TBATA: variants seen among roughly 807,000 people sequenced by gnomAD.
TBATA encodes protein TBATA.
In TBATA, 47 loss-of-function variants were observed where a neutral mutation model predicts 38.7. The observed-to-expected ratio is 1.21, with a 90% CI of 0.96 to 1.55. The LOEUF (loss-of-function observed/expected upper bound fraction) is 1.55. TBATA is among the 40% of genes most tolerant of loss of function. TBATA has a pLI of 0.00. For missense variants in TBATA, 436 were observed against 435.6 expected, an observed-to-expected ratio of 1.00 and a Z score of -0.01; for synonymous variants, 183 against 170.5, an observed-to-expected ratio of 1.07 and a Z score of -0.57.
At chr10:70,775,334 G>T in intron 7 of TBATA, 64 bp from the exon 8 acceptor site, 2 of 1,441,362 alleles carry the variant, frequency 1.4e-6, no homozygotes, top group Non-Finnish European at 2.0e-6. Context: ...GCAAATGTAG[G>T]TTTGGAGGGC....
In TBATA at chr10:70,775,711, T is replaced by C. The variant is rs531017607; in HGVS notation, c.694-441A>G. Among the ~76,000 whole-genome samples the C allele has an allele frequency of 1.4e-4, 21 of 152,176 alleles. No individual in the cohort carries two copies. In the South Asian group the frequency reaches 2.1e-3, roughly 15 times the overall value. The stretch of plus-strand genomic sequence containing the variant: ...CACCAAATCCCACATGCCCAGGGCC[T>C]TGGTGTGGGGATTTCAGGAACCCCA... On this transcript the variant is annotated intron_variant, in intron 7 of 10. Transcript: ENST00000456372.
chr10:70,778,853 G>A, intron 5 of TBATA: 1 of 640,668 alleles, frequency 1.6e-6, no homozygotes. Context: ...GTGGGGCATT[G>A]CTTTCCTTCT....
intron 6 of TBATA, among the ~76,000 whole-genome samples, 190 bp from the exon 7 acceptor site, chr10:70,777,528 G>C (rs1328749487): frequency 2.0e-5 from 3 of 152,002 alleles, no homozygotes; most frequent in African/African-American, 7.3e-5. Flanking sequence ...ACCTGCCCTA[G>C]ACCCCTCCTT....
intron 9 of TBATA, among the ~76,000 whole-genome samples, chr10:70,774,010 T>C (rs2688752): frequency 0.54 from 82,866 of 152,148 alleles, 23,074 homozygotes; most frequent in Non-Finnish European, 0.57. Flanking sequence ...CCTGGCAGTT[T>C]GGGGGCTGGT....
rs991054577 is a variant in TBATA, at chr10:70,778,433, G to A, written c.507+124C>T. ...CCCTCACTGTGACCTTTCCCCTGAC[G>A]TTTGTATGAATCAGTCCCCCCACCC... On this transcript the variant is annotated intron_variant, in intron 6 of 10. Coordinates refer to ENST00000456372, the MANE Select transcript of TBATA (RefSeq NM_001318241.2). The A allele has an allele frequency of 1.8e-5, 17 of 946,474 alleles. No individual in the cohort carries two copies. In the Middle Eastern group the frequency reaches 1.1e-3, roughly 61 times the overall value. The allele number at this position is 946,474 out of a possible 1,614,324, so 58.6% of individuals were successfully genotyped here. A position where few individuals can be genotyped will look rare whatever the true frequency, so the allele number is the denominator to read the frequency against.
At chr10:70,782,099 T>A in intron 3 of TBATA, 63 bp from the exon 4 acceptor site, 1 of 1,535,472 alleles carries the variant, frequency 6.5e-7, no homozygotes, top group Non-Finnish European at 8.9e-7. Flanking sequence ...CCACCTGGGC[T>A]CAGAGCTCAG....
chr10:70,784,267 A>G (rs1564602414), intron 2 of TBATA, among the ~76,000 whole-genome samples: 1 of 152,192 alleles, frequency 6.6e-6, no homozygotes, highest in Non-Finnish European at 1.5e-5. Flanking sequence ...GGAGAAGCGC[A>G]TATAAGGAGA....
chr10:70,777,474 C>T lies in TBATA; in HGVS notation c.508-136G>A. 3.9e-6 allele frequency: 3 copies of T among 772,130 alleles called. No individual in the cohort carries two copies. In the South Asian group the frequency reaches 5.3e-5, roughly 14 times the overall value. The allele number at this position is 772,130 out of a possible 1,614,324, so 47.8% of individuals were successfully genotyped here. ...CCAAATCCCAGCATCACAGCGTTGC[C>T]AGGGTCCCAGGGTATCATCCAGCTC... On this transcript the variant is annotated intron_variant, in intron 6 of 10. Transcript: ENST00000456372.
Position 70,771,371 on chromosome 10 carries a change from GC to G in TBATA, c.*4del. ...GAGCAAGGCAGGTGCAAGTGTTAGGGCCCCTCAGCTCTCTGCCCTCGGCTTC... is the reference window on the plus strand; with the variant it reads ...GAGCAAGGCAGGTGCAAGTGTTAGGGCCCTCAGCTCTCTGCCCTCGGCTTC... On this transcript the variant is annotated 3_prime_UTR_variant, in exon 11 of 11. Coordinates refer to ENST00000456372, the MANE Select transcript of TBATA (RefSeq NM_001318241.2). 1 of 1,614,186 alleles carries G rather than the reference GC, an allele frequency of 6.2e-7. No homozygotes were observed. Among genetic ancestry groups the G allele is most frequent in the East Asian group, 2.2e-5 (1 of 44,884 alleles).
At position 70,772,517 on chromosome 10, in the gene TBATA, G is replaced by A. The variant is rs757897270; in HGVS notation, c.970C>T (p.Pro324Ser). The A allele has an allele frequency of 6.2e-7, 1 of 1,614,120 alleles. No homozygotes were observed. ...GACCCACTACTTGGAATCTTACCTGGTTTTTCGCTTTTTGTAAAAGGTGAT... is the reference window on the plus strand; with the variant it reads ...GACCCACTACTTGGAATCTTACCTGATTTTTCGCTTTTTGTAAAAGGTGAT... ...KISPFTKSEK[P>S]EYIGEAQVLQ... The change falls in exon 10 of 11, where the codon CCA becomes TCA. Residue 324 changes from proline (P) to serine (S), a missense_variant. Coordinates refer to ENST00000456372, the MANE Select transcript of TBATA (RefSeq NM_001318241.2).
At position 70,774,296 on chromosome 10, in the gene TBATA, T is replaced by C. The variant is rs922188046; in HGVS notation, c.837A>G (p.Leu279=). 23 of 1,609,520 alleles carry C rather than the reference T, an allele frequency of 1.4e-5. No homozygotes were observed. In the Middle Eastern group the frequency reaches 4.9e-4, roughly 35 times the overall value. ...TAVAQLLPQP[L]VSIPTEKLLS... is the part of the protein sequence containing the mutation. ...GGAGCTTTTCTGTAGGGATGGAGAC[T>C]AGGGGCTGGGGAAGGAGCTGAGCCA... Residue 279 remains leucine, a synonymous_variant, in exon 9 of 11, where the codon CTA becomes CTG. Coordinates refer to ENST00000456372, the MANE Select transcript of TBATA (RefSeq NM_001318241.2).
At position 70,774,347 on chromosome 10, in the gene TBATA, G is replaced by T. The variant is rs150078967; in HGVS notation, c.786C>A (p.Leu262=). The change falls in exon 9 of 11, where the codon CTC becomes CTA. Residue 262 remains leucine, a synonymous_variant. Transcript: ENST00000456372. ...LLYAPPKEKD[L]ALGLLQTAVA... ...CTGCTGTCTGCAGGAGTCCCAGAGC[G>T]AGGTCTTTTTCTGAAAGCACAGCCC... is the stretch of plus-strand genomic sequence containing the variant. The T allele has an allele frequency of 3.1e-6, 5 of 1,595,492 alleles. No individual in the cohort carries two copies. Among genetic ancestry groups the T allele is most frequent in the Non-Finnish European group, 4.3e-6 (5 of 1,171,922 alleles).
chr10:70,776,889 G>C (rs1193598146), intron 7 of TBATA, among the ~76,000 whole-genome samples: 1 of 152,160 alleles, frequency 6.6e-6, no homozygotes, highest in Non-Finnish European at 1.5e-5. Context: ...AAATGCTACA[G>C]CTGGAAGGGA....
chr10:70,776,913 T>A (rs1044871534), intron 7 of TBATA, among the ~76,000 whole-genome samples: 1 of 151,976 alleles, frequency 6.6e-6, no homozygotes, highest in African/African-American at 2.4e-5. Context: ...TCGACAACAG[T>A]GCGTTCATGC....
chr10:70,780,742 G>A (rs990381923), intron 4 of TBATA, among the ~76,000 whole-genome samples: 2 of 152,106 alleles, frequency 1.3e-5, no homozygotes, highest in Admixed American at 6.6e-5. Context: ...ACATTTCCCT[G>A]CCTCAGTCAA....
At chr10:70,779,360 C>G (rs909594093) in intron 5 of TBATA, among the ~76,000 whole-genome samples, 1 of 152,208 alleles carries the variant, frequency 6.6e-6, no homozygotes, top group African/African-American at 2.4e-5. Context: ...TATTACTCCT[C>G]AAGCACCTCA....
chr10:70,779,834 C>T lies in TBATA; in HGVS notation c.278-92G>A, dbSNP rs147924399. 1,042 of 1,315,634 alleles carry T rather than the reference C, an allele frequency of 7.9e-4. 11 individuals are homozygous for T. In the African/African-American group the frequency reaches 0.014, roughly 18 times the overall value. 81.5% of individuals were successfully genotyped at this position (1,315,634 alleles called of 1,614,324 possible). A position where few individuals can be genotyped will look rare whatever the true frequency, so the allele number is the denominator to read the frequency against. ...AAGAGGCTGAGAGGCAGGGTGATTC[C>T]GGCTCCACCTCTTCCAGTAACCACC... On this transcript the variant is annotated intron_variant, in intron 4 of 10. Coordinates refer to ENST00000456372, the MANE Select transcript of TBATA (RefSeq NM_001318241.2).
At chr10:70,783,317 G>T (rs372057637) in intron 3 of TBATA, 22 bp downstream of exon 3, 2 of 1,613,808 alleles carry the variant, frequency 1.2e-6, no homozygotes, top group African/African-American at 2.7e-5. Context: ...TCAGTCAGCA[G>T]GGTGGGCATT....
chr10:70,779,803 G>T, intron 4 of TBATA, 61 bp from the exon 5 acceptor site: 1 of 1,476,320 alleles, frequency 6.8e-7, no homozygotes, highest in Non-Finnish European at 9.0e-7. Flanking sequence ...GCTCCAGGAG[G>T]CAGGGAAGAG....
Sources: allele counts gnomAD v4.1 joint callset (sites outside exome capture counted in the v4.1 genomes callset), GRCh38; gene constraint gnomAD v4.1.1; transcripts MANE v1.5; gene names NCBI Gene and HGNC (gene_info 2026-07-23, HGNC 2026-07-21).